ERLEC1: variants seen among roughly 807,000 people sequenced by gnomAD.
ERLEC1 encodes endoplasmic reticulum lectin 1.
A neutral mutation model predicts 68.0 loss-of-function variants in ERLEC1; 47 were observed. The observed-to-expected ratio is 0.69, with a 90% CI of 0.55 to 0.88. ERLEC1 has a LOEUF of 0.88. Ranked by LOEUF, ERLEC1 falls within the 40% of genes least tolerant of loss-of-function variation. ERLEC1 has a pLI of 0.00. For synonymous variants in ERLEC1, 225 were observed against 203.2 expected (o/e 1.11, Z -0.91); for missense variants, 567 against 583.8 (o/e 0.97, Z 0.30).
At chr2:53,813,223 G>A in intron 11 of ERLEC1, 150 bp downstream of exon 11, 1 of 895,554 alleles carries the variant, frequency 1.1e-6, no homozygotes, top group Non-Finnish European at 1.7e-6. Context: ...CTTTTCTTAG[G>A]GAAGCAACAC....
Position 53,809,205 on chromosome 2 carries a change from T to C in ERLEC1, c.1042-9T>C, listed in dbSNP as rs1676459578. 1 of 1,580,020 alleles carries C rather than the reference T, an allele frequency of 6.3e-7. No homozygotes were observed. Among genetic ancestry groups the C allele is most frequent in the African/African-American group, 1.4e-5 (1 of 72,412 alleles). ...TTAACTTGATCTAATATGTTTTCTT[T>C]TTTTTTAGGGTGTCGGTTGGTGGAA... On this transcript the variant is annotated splice_polypyrimidine_tract_variant and intron_variant, in intron 9 of 13. Transcript: ENST00000185150.
At chr2:53,816,577 C>G (rs1168919744) in intron 13 of ERLEC1, among the ~76,000 whole-genome samples, 1 of 151,990 alleles carries the variant, frequency 6.6e-6, no homozygotes, top group African/African-American at 2.4e-5. Context: ...GCCCCATTTT[C>G]TTATTAATGT....
intron 10 of ERLEC1, among the ~76,000 whole-genome samples, chr2:53,809,653 G>C (rs1433776439): frequency 6.6e-6 from 1 of 152,180 alleles, no homozygotes; most frequent in Non-Finnish European, 1.5e-5. Context: ...AGGAGGCTAA[G>C]GTGGCAGGAT....
chr2:53,804,471 T>C (rs1676172816), intron 8 of ERLEC1, among the ~76,000 whole-genome samples: 1 of 152,150 alleles, frequency 6.6e-6, no homozygotes, highest in African/African-American at 2.4e-5. Flanking sequence ...AGACAGGGTT[T>C]TGCCATGTTG....
chr2:53,808,456 G>A lies in ERLEC1; in HGVS notation c.1037G>A (p.Arg346His), dbSNP rs373252361. 1.7e-5 allele frequency: 28 copies of A among 1,613,220 alleles called. No homozygotes were observed. The highest frequency in any genetic ancestry group is 9.9e-5 in the South Asian group (9 of 90,914). The change falls in exon 9 of 14, where the codon CGT becomes CAT. Residue 346 changes from arginine (R) to histidine (H), a missense_variant. By Grantham distance (29) the Arg-to-His change is conservative. Transcript: ENST00000185150. ...KEFLSGSYCF[R>H]GGVGWWKYEF... ...TTTCTTAGTGGTTCTTACTGCTTTCGTGGGGTGAGAAGTAAATCTTCAGTT... is the reference window on the plus strand; with the variant it reads ...TTTCTTAGTGGTTCTTACTGCTTTCATGGGGTGAGAAGTAAATCTTCAGTT...
At chr2:53,792,230 T>TA (rs1675449176) in intron 1 of ERLEC1, among the ~76,000 whole-genome samples, 2 of 151,716 alleles carry the variant, frequency 1.3e-5, no homozygotes, top group Admixed American at 6.6e-5. Context: ...TTTTTTTTTT[T>TA]TTTAATAAGT....
rs1553393682 is a variant in ERLEC1, at chr2:53,815,005, T to TG, written c.1380+70_1380+71insG. The stretch of plus-strand genomic sequence containing the variant: ...TTTTAATTTTTTTTTCTTTTTTTTT[T>TG]TTTTTTTTTTTGTTTTTTTGAGACG... On this transcript the variant is annotated intron_variant, in intron 13 of 13. Transcript: ENST00000185150. 4.7e-5 allele frequency: 46 copies of TG among 968,506 alleles called. No individual in the cohort carries two copies. The East Asian group carries it at 1.0e-3, about 22-fold the overall frequency. 60.0% of individuals were successfully genotyped at this position (968,506 alleles called of 1,614,324 possible).
chr2:53,792,269 C>T (rs552818732), intron 1 of ERLEC1, among the ~76,000 whole-genome samples: 53 of 151,240 alleles, frequency 3.5e-4, no homozygotes, highest in Admixed American at 3.0e-3. Context: ...GCAGTTCTCC[C>T]GCCTCAGCCT....
At chr2:53,796,037 T>C in intron 3 of ERLEC1, 24 bp downstream of exon 3, 1 of 1,478,634 alleles carries the variant, frequency 6.8e-7, no homozygotes. Context: ...GTTTACTTGA[T>C]GACTAGAAAA....
intron 8 of ERLEC1, among the ~76,000 whole-genome samples, chr2:53,804,849 T>C (rs1214484927): frequency 6.6e-6 from 1 of 152,086 alleles, no homozygotes; most frequent in African/African-American, 2.4e-5. Flanking sequence ...CTACTCTCTA[T>C]CTCCATGCAT....
chr2:53,797,820 C>T (rs2949813), intron 5 of ERLEC1, 25 bp downstream of exon 5: 2 of 1,582,758 alleles, frequency 1.3e-6, no homozygotes, highest in African/African-American at 1.4e-5. Context: ...AGTGATTTGA[C>T]AGTAATGCTG....
At chr2:53,795,295 A>G (rs188092669) in intron 2 of ERLEC1, among the ~76,000 whole-genome samples, 11 of 152,330 alleles carry the variant, frequency 7.2e-5, no homozygotes, top group African/African-American at 2.6e-4. Context: ...AACCTTGAAC[A>G]AATTTGAAAC....
intron 8 of ERLEC1, among the ~76,000 whole-genome samples, chr2:53,807,509 G>C (rs1038355603): frequency 1.3e-5 from 2 of 152,016 alleles, no homozygotes; most frequent in African/African-American, 2.4e-5. Context: ...AGGTTCAAGA[G>C]ATTATCATGC....
intron 5 of ERLEC1, among the ~76,000 whole-genome samples, chr2:53,798,652 ATATAT>A (rs1286940636): frequency 2.6e-5 from 4 of 151,640 alleles, no homozygotes; most frequent in Admixed American, 6.6e-5. Flanking sequence ...TGTTAGTGTT[ATATAT>A]AAGTGTTAGT....
At chr2:53,805,601 A>G (rs1050781965) in intron 8 of ERLEC1, among the ~76,000 whole-genome samples, 10 of 152,178 alleles carry the variant, frequency 6.6e-5, no homozygotes, top group South Asian at 6.2e-4. Context: ...CAGTGCTGCA[A>G]CAAACATGGA....
intron 8 of ERLEC1, among the ~76,000 whole-genome samples, chr2:53,804,927 G>A (rs1012528668): frequency 9.3e-5 from 14 of 151,224 alleles, no homozygotes; most frequent in African/African-American, 3.4e-4. Context: ...TCCGTGCATG[G>A]CTTATTTCAC....
rs1257372586 is a variant in ERLEC1, at chr2:53,795,786, T to C, written c.268-147T>C. On this transcript the variant is annotated intron_variant, in intron 2 of 13. Coordinates refer to ENST00000185150, the MANE Select transcript of ERLEC1 (RefSeq NM_015701.5). ...CTTCAGTTATTTGAAAGCAATGGCG[T>C]ACCGTAGGGTCTTGTTAAACATTTT... 3 of 538,314 alleles carry C rather than the reference T, an allele frequency of 5.6e-6. No individual in the cohort carries two copies. The African/African-American group carries it at 6.0e-5, about 11-fold the overall frequency. The allele number at this position is 538,314 out of a possible 1,614,324, so 33.3% of individuals were successfully genotyped here.
At position 53,794,416 on chromosome 2, in the gene ERLEC1, A is replaced by G; in HGVS notation, c.234A>G (p.Lys78=). Residue 78 remains lysine, a synonymous_variant, in exon 2 of 14, where the codon AAA becomes AAG. Transcript: ENST00000185150. The part of the protein sequence containing the change: ...IMTTAHKEKY[K]CILPLVTSGD... ...CAACTGCACATAAAGAAAAATATAA[A>G]TGCATACTTCCCCTTGTGACAAGTG... 1.3e-6 allele frequency: 2 copies of G among 1,582,072 alleles called. No individual in the cohort carries two copies. Among genetic ancestry groups the G allele is most frequent in the African/African-American group, 1.4e-5 (1 of 73,974 alleles).
chr2:53,814,623 AAGTT>A lies in ERLEC1; in HGVS notation c.1304+6_1304+9del. The stretch of plus-strand genomic sequence containing the variant: ...AGACAGGTGACTGTAAAACTAAAGT[AAGTT>A]AGACCATCAAATCATGCTGTATGCC... On this transcript the variant is annotated splice_donor_5th_base_variant and intron_variant, in intron 12 of 13. Coordinates refer to ENST00000185150, the MANE Select transcript of ERLEC1 (RefSeq NM_015701.5). 4 of 1,603,272 alleles carry A rather than the reference AAGTT, an allele frequency of 2.5e-6. No homozygotes were observed. Among genetic ancestry groups the A allele is most frequent in the Non-Finnish European group, 1.7e-6 (2 of 1,171,594 alleles).
Sources: gnomAD v4.1 joint callset for allele counts (sites outside exome capture counted in the v4.1 genomes callset) on GRCh38, gnomAD v4.1.1 for gene constraint, MANE v1.5 for transcripts, NCBI Gene and HGNC (gene_info 2026-07-23, HGNC 2026-07-21) for gene names.